MAPKBP1: variants seen among roughly 807,000 people sequenced by gnomAD.
The protein encoded by MAPKBP1 is mitogen-activated protein kinase-binding protein 1.
In MAPKBP1, 71 loss-of-function variants were observed where a neutral mutation model predicts 170.5. The observed-to-expected ratio is 0.42, with a 90% CI of 0.34 to 0.51. The LOEUF is 0.51. Ranked by LOEUF, MAPKBP1 falls within the 20% of genes least tolerant of loss-of-function variation. The pLI, the probability that MAPKBP1 is intolerant of heterozygous loss-of-function variation, is 0.06. For missense variants in MAPKBP1, 1,598 were observed against 1,933.0 expected (o/e 0.83, Z 3.25); for synonymous variants, 719 against 757.9 (o/e 0.95, Z 0.84).
chr15:41,791,495 C>T (rs545202694), intron 2 of MAPKBP1, among the ~76,000 whole-genome samples: 2 of 152,350 alleles, frequency 1.3e-5, no homozygotes, highest in East Asian at 1.9e-4. Flanking sequence ...TGTCTTGGCT[C>T]CACCTGGACT....
chr15:41,827,299 CAAAAA>C lies in MAPKBP1; in HGVS notation c.*1871_*1875del, dbSNP rs11449239. ...TAGGTGACAAAGCTACACGCCATCT[CAAAAA>C]AAAAAAAGAAAAAGGGTTACAAAAG... On this transcript the variant is annotated 3_prime_UTR_variant, in exon 31 of 31. Transcript: ENST00000457542. 7.0e-6 allele frequency: 1 copy of C among 142,626 alleles called. No homozygotes were observed. The highest frequency in any genetic ancestry group is 1.5e-5 in the Non-Finnish European group (1 of 65,364). The allele number at this position is 142,626 out of a possible 1,614,324, so 8.8% of individuals were successfully genotyped here.
chr15:41,818,686 C>G lies in MAPKBP1; in HGVS notation c.2156+104C>G. 4.6e-6 allele frequency: 7 copies of G among 1,505,382 alleles called. No individual in the cohort carries two copies. Among genetic ancestry groups the G allele is most frequent in the Non-Finnish European group, 5.4e-6 (6 of 1,103,552 alleles). The allele number at this position is 1,505,382 out of a possible 1,614,324, so 93.3% of individuals were successfully genotyped here. A position where few individuals can be genotyped will look rare whatever the true frequency, so the allele number is the denominator to read the frequency against. On this transcript the variant is annotated intron_variant, in intron 19 of 30. Transcript: ENST00000457542. The surrounding 1 kb of genome is among the most constrained non-coding windows in gnomAD (Gnocchi z 5.2). ...TGATGTCTCTGGGAAGTGGGGTTAA[C>G]AGGGATAGCTTTTGGCTGTGCTTGA... is the stretch of plus-strand genomic sequence containing the variant.
rs754282764 is a variant in MAPKBP1, at chr15:41,822,326, G to C, written c.3133G>C (p.Gly1045Arg). The C allele has an allele frequency of 6.2e-7, 1 of 1,614,078 alleles. No individual in the cohort carries two copies. Among genetic ancestry groups the C allele is most frequent in the South Asian group, 1.1e-5 (1 of 91,086 alleles). Residue 1045 changes from glycine to arginine, a missense_variant, in exon 26 of 31, where the codon GGC becomes CGC. Coordinates refer to ENST00000457542, the MANE Select transcript of MAPKBP1 (RefSeq NM_014994.3). The part of the protein sequence containing the change: ...EEEEEEEGGM[G>R]PYGLQEGSPQ... Reference sequence around the variant, plus strand: ...AGAGGAAGAAGAGGAGGGAGGCATGGGCCCCTATGGGCTACAGGAGGGCAG... The same window carrying C: ...AGAGGAAGAAGAGGAGGGAGGCATGCGCCCCTATGGGCTACAGGAGGGCAG...
intron 2 of MAPKBP1, among the ~76,000 whole-genome samples, chr15:41,780,188 T>G (rs2064161781): frequency 6.6e-6 from 1 of 152,246 alleles, no homozygotes; most frequent in African/African-American, 2.4e-5. Context: ...GTTTGCAATT[T>G]AGGGCAGGTT....
chr15:41,812,439 C>T, intron 6 of MAPKBP1, 77 bp from the exon 7 acceptor site: 1 of 1,571,368 alleles, frequency 6.4e-7, no homozygotes, highest in South Asian at 1.1e-5. Context: ...AATTCTAATT[C>T]TCCTCCATTC....
chr15:41,818,343 C>T lies in MAPKBP1; in HGVS notation c.2092+38C>T. 1 of 1,545,636 alleles carries T rather than the reference C, an allele frequency of 6.5e-7. No homozygotes were observed. Among genetic ancestry groups the T allele is most frequent in the South Asian group, 1.1e-5 (1 of 89,610 alleles). On this transcript the variant is annotated intron_variant, in intron 18 of 30. Transcript: ENST00000457542. The surrounding 1 kb of genome is among the most constrained non-coding windows in gnomAD (Gnocchi z 5.2). Reference sequence around the variant, plus strand: ...TGAATCCCCGAGTAGAAGCTGATACCTGCGTAAACCTGAGTGAGTTCCACC... The same window carrying T: ...TGAATCCCCGAGTAGAAGCTGATACTTGCGTAAACCTGAGTGAGTTCCACC...
intron 9 of MAPKBP1, 25 bp from the exon 10 acceptor site, chr15:41,814,525 A>C: frequency 6.2e-7 from 1 of 1,609,328 alleles, no homozygotes; most frequent in Non-Finnish European, 8.5e-7. Flanking sequence ...CAGTCTGACC[A>C]GTGTGCCCTG....
chr15:41,811,777 G>A (rs1417451016), intron 5 of MAPKBP1, 180 bp from the exon 6 acceptor site: 2 of 728,186 alleles, frequency 2.7e-6, no homozygotes, highest in Non-Finnish European at 2.4e-6. Context: ...TTTCTTCCTG[G>A]TAATCACTGT....
intron 2 of MAPKBP1, among the ~76,000 whole-genome samples, chr15:41,783,064 A>C (rs1375854533): frequency 2.0e-5 from 3 of 152,228 alleles, no homozygotes; most frequent in Non-Finnish European, 1.5e-5. Context: ...GTTCCAGATG[A>C]CCAGAAGCCA....
intron 2 of MAPKBP1, among the ~76,000 whole-genome samples, chr15:41,783,572 C>T (rs1353039768): frequency 1.4e-4 from 21 of 152,130 alleles, no homozygotes; most frequent in Admixed American, 1.2e-3. Flanking sequence ...ATTGTGATAA[C>T]ATTATAGGTG....
chr15:41,776,429 T>A (rs2064099204), intron 2 of MAPKBP1, among the ~76,000 whole-genome samples: 1 of 152,198 alleles, frequency 6.6e-6, no homozygotes, highest in Non-Finnish European at 1.5e-5. Context: ...GTAGATTTGG[T>A]AAGAAGGTGA....
intron 27 of MAPKBP1, 33 bp downstream of exon 27, chr15:41,822,710 C>G (rs1388887168): frequency 6.2e-7 from 1 of 1,610,714 alleles, no homozygotes. Context: ...AGCAGCAGCT[C>G]TGGCTCTCCT....
chr15:41,799,438 A>T (rs2064552050), intron 2 of MAPKBP1, among the ~76,000 whole-genome samples: 1 of 152,132 alleles, frequency 6.6e-6, no homozygotes, highest in African/African-American at 2.4e-5. Flanking sequence ...AAGCACAAAG[A>T]TCAGTGGCCT....
chr15:41,809,282 A>G (rs2064762038), intron 3 of MAPKBP1, among the ~76,000 whole-genome samples: 1 of 152,040 alleles, frequency 6.6e-6, no homozygotes, highest in South Asian at 2.1e-4. Flanking sequence ...GGAGGAAAAA[A>G]AAACAGGAAG....
At position 41,812,019 on chromosome 15, in the gene MAPKBP1, G is replaced by A. The variant is rs757717325; in HGVS notation, c.390G>A (p.Leu130=). 6.2e-7 allele frequency: 1 copy of A among 1,614,060 alleles called. No homozygotes were observed. Among genetic ancestry groups the A allele is most frequent in the African/African-American group, 1.3e-5 (1 of 74,916 alleles). ...CAGAGCACAGCCAGGTGGCCGAGCT[G>A]CAGGAGCACAAGTATGGTGTGGCTT... The part of the protein sequence containing the change: ...DVAEHSQVAE[L]QEHKYGVACV... The change falls in exon 6 of 31, where the codon CTG becomes CTA. Residue 130 remains leucine (L), a synonymous_variant. Transcript: ENST00000457542.
In MAPKBP1 at chr15:41,825,005, G is replaced by A. The variant is rs940226343; in HGVS notation, c.4300-204G>A. 42 of 546,394 alleles carry A rather than the reference G, an allele frequency of 7.7e-5. No individual in the cohort carries two copies. In the South Asian group the frequency reaches 7.7e-4, roughly 10 times the overall value. The allele number at this position is 546,394 out of a possible 1,614,324, so 33.8% of individuals were successfully genotyped here. Reference sequence around the variant, plus strand: ...AAGGAGTTGCTTATAAGATGTAGACGGTTCTGCAATCCAATGGGTTCCTCC... The same window carrying A: ...AAGGAGTTGCTTATAAGATGTAGACAGTTCTGCAATCCAATGGGTTCCTCC... On this transcript the variant is annotated intron_variant, in intron 30 of 30. Transcript: ENST00000457542.
rs754894838 is a variant in MAPKBP1 at position 41,815,767 on chromosome 15, T to C, written c.1461T>C (p.His487=). 5.5e-5 allele frequency: 88 copies of C among 1,614,030 alleles called. No homozygotes were observed. Among genetic ancestry groups the C allele is most frequent in the Non-Finnish European group, 7.1e-5 (84 of 1,180,018 alleles). Residue 487 remains histidine (H), a synonymous_variant, in exon 12 of 31, where the codon CAT becomes CAC. Transcript: ENST00000457542. ...TGTGTGTCAGCCCCAATGGACAGCA[T>C]CTAGCATCAGGGGACCGTATGGGCA... The part of the protein sequence containing the change: ...RSVCVSPNGQ[H]LASGDRMGTL...
chr15:41,814,206 G>C (rs1424099590), intron 9 of MAPKBP1, among the ~76,000 whole-genome samples: 1 of 152,352 alleles, frequency 6.6e-6, no homozygotes, highest in South Asian at 2.1e-4. Flanking sequence ...GGGAAAGGCG[G>C]TGTTTGGTCA....
rs186979584 is a variant in MAPKBP1, at chr15:41,788,738, C to T, written c.115-11085C>T. On this transcript the variant is annotated intron_variant, in intron 2 of 30. Coordinates refer to ENST00000457542, the MANE Select transcript of MAPKBP1 (RefSeq NM_014994.3). The stretch of plus-strand genomic sequence containing the variant: ...GTAGGAAATAGAATTATGAGAAGGG[C>T]AGAGTTCATTAATGCTAGGCTAAAA... Among the ~76,000 whole-genome samples, 214 of 152,218 alleles carry T rather than the reference C, an allele frequency of 1.4e-3. 1 individual carries two copies. Among genetic ancestry groups the T allele is most frequent in the African/African-American group, 4.6e-3 (192 of 41,526 alleles).
Sources: gnomAD v4.1 joint callset for allele counts (sites outside exome capture counted in the v4.1 genomes callset) on GRCh38, gnomAD v4.1.1 for gene constraint, Gnocchi (gnomAD v3.1) non-coding constraint, MANE v1.5 for transcripts, NCBI Gene and HGNC (gene_info 2026-07-23, HGNC 2026-07-21) for gene names.